GRAMD2A: variants seen among roughly 807,000 people sequenced by gnomAD.
The protein encoded by GRAMD2A is GRAM domain containing 2A, also known as GRAM domain-containing protein 2A.
Under a neutral mutation model 51.1 loss-of-function variants are expected in GRAMD2A, and 37 were observed. The ratio of observed to expected loss-of-function variants is 0.72; its 90% confidence interval spans 0.56 to 0.95. The LOEUF (loss-of-function observed/expected upper bound fraction) is 0.95. GRAMD2A is among the 40% of genes least tolerant of loss of function. The pLI is 0.00. For synonymous variants in GRAMD2A, 136 were observed against 157.1 expected (o/e 0.87, Z 1.01); for missense variants, 414 against 426.9 (o/e 0.97, Z 0.27).
chr15:72,192,412 A>T (rs999030450), intron 1 of GRAMD2A, among the ~76,000 whole-genome samples: 1 of 152,260 alleles, frequency 6.6e-6, no homozygotes, highest in Non-Finnish European at 1.5e-5. Context: ...TCAAAAATTC[A>T]AAATGTATTT....
intron 1 of GRAMD2A, among the ~76,000 whole-genome samples, chr15:72,186,328 ATT>A (rs34888558): frequency 1.4e-5 from 2 of 144,746 alleles, no homozygotes; most frequent in Admixed American, 6.9e-5. Context: ...TATTTATTTA[ATT>A]TTTTTTTTTT....
chr15:72,162,287 T>G lies in GRAMD2A; in HGVS notation c.1047A>C (p.Pro349=). ...AAAGGCCTCACCTGTGCCCAGGGAC[T>G]GGGTCATCCCAACTCAAGGAGCATA... is the stretch of plus-strand genomic sequence containing the variant. ...QQLCSLSWDD[P]VPGHR is the part of the protein sequence containing the mutation. Residue 349 remains proline (P), a synonymous_variant, in exon 11 of 12, where the codon CCA becomes CCC. Coordinates refer to ENST00000309731, the MANE Select transcript of GRAMD2A (RefSeq NM_001012642.3). 1 of 1,613,040 alleles carries G rather than the reference T, an allele frequency of 6.2e-7. No individual in the cohort carries two copies. The highest frequency in any genetic ancestry group is 8.5e-7 in the Non-Finnish European group (1 of 1,179,010).
chr15:72,183,432 G>A (rs2081712225), intron 1 of GRAMD2A, among the ~76,000 whole-genome samples: 1 of 152,008 alleles, frequency 6.6e-6, no homozygotes, highest in African/African-American at 2.4e-5. Flanking sequence ...GGAGAATGGC[G>A]TGAACACGGG....
At chr15:72,164,050 A>C (rs906965938) in intron 8 of GRAMD2A, among the ~76,000 whole-genome samples, 3 of 152,184 alleles carry the variant, frequency 2.0e-5, no homozygotes, top group African/African-American at 7.2e-5. Context: ...ACATGCTCAG[A>C]TCTGAGGCCA....
intron 1 of GRAMD2A, among the ~76,000 whole-genome samples, chr15:72,179,399 G>A (rs1479186593): frequency 6.6e-6 from 1 of 152,236 alleles, no homozygotes; most frequent in East Asian, 1.9e-4. Flanking sequence ...CAGCCAGGAG[G>A]GAACAGGCGA....
Position 72,160,191 on chromosome 15 carries a change from C to T in GRAMD2A, c.*1818G>A, listed in dbSNP as rs2140540470. Reference sequence around the variant, plus strand: ...ACATCCACCTATAACTGGCACCTCTCATGGCCTCTGACAACCAAGCAAGGC... The same window carrying T: ...ACATCCACCTATAACTGGCACCTCTTATGGCCTCTGACAACCAAGCAAGGC... On this transcript the variant is annotated 3_prime_UTR_variant, in exon 12 of 12. Coordinates refer to ENST00000309731, the MANE Select transcript of GRAMD2A (RefSeq NM_001012642.3). The T allele has an allele frequency of 6.6e-6, 1 of 152,268 alleles. No homozygotes were observed. Among genetic ancestry groups the T allele is most frequent in the East Asian group, 1.9e-4 (1 of 5,182 alleles). The allele number at this position is 152,268 out of a possible 1,614,324, so 9.4% of individuals were successfully genotyped here.
intron 10 of GRAMD2A, chr15:72,162,954 T>C: frequency 3.2e-6 from 1 of 312,952 alleles, no homozygotes; most frequent in Non-Finnish European, 5.9e-6. Flanking sequence ...AAGCTTTTCC[T>C]CTCTCTCTCC....
At chr15:72,168,847 G>A in intron 3 of GRAMD2A, 92 bp downstream of exon 3, 1 of 1,150,436 alleles carries the variant, frequency 8.7e-7, no homozygotes, top group South Asian at 1.2e-5. Flanking sequence ...CCTGATGACA[G>A]GCCCGGTGGC....
chr15:72,184,261 T>C (rs1162320983), intron 1 of GRAMD2A, among the ~76,000 whole-genome samples: 1 of 152,260 alleles, frequency 6.6e-6, no homozygotes, highest in East Asian at 1.9e-4. Context: ...TTTCTGCGCC[T>C]GCCTTGGAAA....
rs764555826 is a variant in GRAMD2A, at chr15:72,169,958, A to G, written c.42-19T>C. On this transcript the variant is annotated intron_variant, in intron 1 of 11. Transcript: ENST00000309731. ...TTGGTTGCTAGGGAAAAACAGGCCC[A>G]TATCAGGAAGGGGGCTTCATGAGGA... 6.9e-6 allele frequency: 11 copies of G among 1,593,168 alleles called. No homozygotes were observed. Among genetic ancestry groups the G allele is most frequent in the African/African-American group, 2.7e-5 (2 of 74,546 alleles).
intron 5 of GRAMD2A, among the ~76,000 whole-genome samples, chr15:72,167,456 A>G (rs1326096034): frequency 6.6e-6 from 1 of 152,244 alleles, no homozygotes; most frequent in African/African-American, 2.4e-5. Flanking sequence ...CTGATTCTCA[A>G]AGCATTTCTG....
chr15:72,160,429 T>G lies in GRAMD2A; in HGVS notation c.*1580A>C, dbSNP rs1295810356. On this transcript the variant is annotated 3_prime_UTR_variant, in exon 12 of 12. Coordinates refer to ENST00000309731, the MANE Select transcript of GRAMD2A (RefSeq NM_001012642.3). ...GCAAGCAACACAAAAGGCCAGGCTC[T>G]AAATTTCATCCTAAAAACTGGGATG... is the stretch of plus-strand genomic sequence containing the variant. 6.6e-6 allele frequency: 1 copy of G among 151,358 alleles called. No homozygotes were observed. Among genetic ancestry groups the G allele is most frequent in the Non-Finnish European group, 1.5e-5 (1 of 67,926 alleles). 9.4% of individuals were successfully genotyped at this position (151,358 alleles called of 1,614,324 possible). A position where few individuals can be genotyped will look rare whatever the true frequency, so the allele number is the denominator to read the frequency against.
chr15:72,185,340 C>A (rs1304866102), intron 1 of GRAMD2A, among the ~76,000 whole-genome samples: 1 of 151,988 alleles, frequency 6.6e-6, no homozygotes, highest in Non-Finnish European at 1.5e-5. Flanking sequence ...ACTACAGGCA[C>A]GTGCCACCAT....
At chr15:72,171,888 G>T (rs1339579584) in intron 1 of GRAMD2A, among the ~76,000 whole-genome samples, 1 of 149,568 alleles carries the variant, frequency 6.7e-6, no homozygotes, top group Non-Finnish European at 1.5e-5. Flanking sequence ...GGAGTCCAGT[G>T]GCGTGATCTT....
chr15:72,169,655 C>A (rs1378959389), intron 2 of GRAMD2A, 192 bp downstream of exon 2: 12 of 697,278 alleles, frequency 1.7e-5, no homozygotes, highest in Non-Finnish European at 3.1e-5. Context: ...AGCATGGACT[C>A]TGCTAGGTCC....
intron 4 of GRAMD2A, 145 bp from the exon 5 acceptor site, chr15:72,167,984 C>T: frequency 1.5e-6 from 1 of 663,404 alleles, no homozygotes. Flanking sequence ...AGGCCCCAAA[C>T]CCCAAACAGT....
intron 1 of GRAMD2A, among the ~76,000 whole-genome samples, chr15:72,195,812 C>A (rs558411631): frequency 1.3e-5 from 2 of 151,288 alleles, no homozygotes; most frequent in Admixed American, 1.3e-4. Flanking sequence ...CCCACCTACT[C>A]GGGAGGCTGA....
intron 1 of GRAMD2A, among the ~76,000 whole-genome samples, chr15:72,179,611 G>A (rs2081681970): frequency 6.6e-6 from 1 of 152,186 alleles, no homozygotes; most frequent in Non-Finnish European, 1.5e-5. Flanking sequence ...TCCACAAAAT[G>A]GCAAACAGAG....
chr15:72,174,985 C>T (rs987303286), intron 1 of GRAMD2A, among the ~76,000 whole-genome samples: 6 of 152,140 alleles, frequency 3.9e-5, no homozygotes, highest in Non-Finnish European at 1.5e-5. Flanking sequence ...TTGACACCCA[C>T]ACCCTCCCGA....
Sources: gnomAD v4.1 joint callset for allele counts (sites outside exome capture counted in the v4.1 genomes callset) on GRCh38, gnomAD v4.1.1 for gene constraint, MANE v1.5 for transcripts, NCBI Gene and HGNC (gene_info 2026-07-23, HGNC 2026-07-21) for gene names.